The following PHLPP1 variants were observed in gnomAD, a reference collection of about 807,000 sequenced individuals.
PHLPP1 encodes the protein PH domain and leucine rich repeat protein phosphatase 1.
PHLPP1 carries 42 observed loss-of-function variants against 117.2 expected under a neutral mutation model. The observed-to-expected ratio is 0.36, with a 90% CI of 0.28 to 0.46. The LOEUF (loss-of-function observed/expected upper bound fraction) is 0.46, where lower values mean the gene tolerates loss of function less well. Among genes scored for constraint, PHLPP1 ranks in the 20% least tolerant of loss-of-function variants. PHLPP1 has a pLI of 1.00. For missense variants in PHLPP1, 2,084 were observed against 2,241.9 expected (o/e 0.93, Z 1.42); for synonymous variants, 1,042 against 970.7 (o/e 1.07, Z -1.37).
chr18:62,969,367 A>G (rs1268580764), intron 14 of PHLPP1, among the ~76,000 whole-genome samples: 1 of 152,208 alleles, frequency 6.6e-6, no homozygotes, highest in Non-Finnish European at 1.5e-5. Flanking sequence ...TAATTTCACT[A>G]ATATCGTTGG....
At chr18:62,964,345 C>G (rs1354239365) in intron 14 of PHLPP1, among the ~76,000 whole-genome samples, 1 of 152,158 alleles carries the variant, frequency 6.6e-6, no homozygotes, top group Non-Finnish European at 1.5e-5. Context: ...AAAATCTCCC[C>G]CAGGTGATTC....
intron 1 of PHLPP1, among the ~76,000 whole-genome samples, chr18:62,822,293 T>G (rs1373554140): frequency 2.1e-5 from 3 of 145,400 alleles, no homozygotes; most frequent in Non-Finnish European, 3.1e-5. Flanking sequence ...TTTGTTTTTT[T>G]TTTTTTGAGA....
At chr18:62,780,340 G>T (rs1389551394) in intron 1 of PHLPP1, among the ~76,000 whole-genome samples, 3 of 152,164 alleles carry the variant, frequency 2.0e-5, no homozygotes, top group Non-Finnish European at 4.4e-5. Flanking sequence ...TATTATTTAA[G>T]TGGATAATAA....
intron 1 of PHLPP1, among the ~76,000 whole-genome samples, chr18:62,722,818 G>A (rs964033834): frequency 6.6e-6 from 1 of 152,154 alleles, no homozygotes; most frequent in Non-Finnish European, 1.5e-5. Context: ...ATGATACTTT[G>A]ATTAAAAGAT....
At chr18:62,822,536 G>A (rs998306971) in intron 1 of PHLPP1, among the ~76,000 whole-genome samples, 3 of 151,708 alleles carry the variant, frequency 2.0e-5, no homozygotes, top group Non-Finnish European at 4.4e-5. Flanking sequence ...CGCCCGCCTC[G>A]GACTCCCACA....
chr18:62,898,180 C>T (rs1916617231), intron 6 of PHLPP1, among the ~76,000 whole-genome samples: 1 of 152,206 alleles, frequency 6.6e-6, no homozygotes, highest in Non-Finnish European at 1.5e-5. Context: ...CCTTCTTTGA[C>T]TTCTTGAGAC....
In PHLPP1 at chr18:62,941,847, C is replaced by G; in HGVS notation, c.3090C>G (p.Pro1030=). ...ACAGCCTCACAGACAAATGTGTGCC[C>G]TTGTTAACGGGACACCCCCATTTGA... ...TNNSLTDKCV[P]LLTGHPHLKI... Residue 1030 remains proline, a synonymous_variant, in exon 11 of 17, where the codon CCC becomes CCG. Transcript: ENST00000262719. 6.2e-7 allele frequency: 1 copy of G among 1,613,978 alleles called. No individual in the cohort carries two copies. The highest frequency in any genetic ancestry group is 1.1e-5 in the South Asian group (1 of 91,086).
chr18:62,978,763 G>A lies in PHLPP1; in HGVS notation c.4486G>A (p.Asp1496Asn). 1 of 1,613,046 alleles carries A rather than the reference G, an allele frequency of 6.2e-7. No homozygotes were observed. Residue 1496 changes from aspartate to asparagine, a missense_variant, in exon 17 of 17, where the codon GAT becomes AAT. Physicochemically the swap from Asp to Asn is conservative, Grantham distance 23. Transcript: ENST00000262719. This position sits in a 1 kb window ranked among gnomAD's most constrained non-coding sequence, Gnocchi z 7.0. ...CAGCGAGGTGGGGTCAACAGCCTCC[G>A]ATGAGCCCCCGCCCGGAGCCCTAAG... The part of the protein sequence containing the change: ...MSSEVGSTAS[D>N]EPPPGALSEN...
intron 1 of PHLPP1, among the ~76,000 whole-genome samples, chr18:62,801,941 C>T (rs998240724): frequency 6.6e-6 from 1 of 152,090 alleles, no homozygotes; most frequent in African/African-American, 2.4e-5. Context: ...AACACATTGG[C>T]TTTGTGTTGT....
chr18:62,763,147 T>C (rs1912314031), intron 1 of PHLPP1, among the ~76,000 whole-genome samples: 1 of 152,180 alleles, frequency 6.6e-6, no homozygotes, highest in African/African-American at 2.4e-5. Context: ...AGCAATCACT[T>C]CTCCCTCCGG....
intron 1 of PHLPP1, among the ~76,000 whole-genome samples, chr18:62,807,432 C>T (rs1479773709): frequency 6.6e-6 from 1 of 152,074 alleles, no homozygotes; most frequent in African/African-American, 2.4e-5. Flanking sequence ...TGGGGAGAAG[C>T]ATAAAGAAGA....
chr18:62,776,085 G>A (rs550415881), intron 1 of PHLPP1, among the ~76,000 whole-genome samples: 22 of 152,098 alleles, frequency 1.4e-4, no homozygotes, highest in African/African-American at 4.3e-4. Flanking sequence ...TATATATAAA[G>A]AAGTTTATTT....
At chr18:62,874,520 A>C (rs1360155680) in intron 4 of PHLPP1, among the ~76,000 whole-genome samples, 1 of 152,096 alleles carries the variant, frequency 6.6e-6, no homozygotes, top group Non-Finnish European at 1.5e-5. Flanking sequence ...AAAAACAAAC[A>C]AAAAAGGGCA....
chr18:62,938,410 G>A (rs989481507), intron 10 of PHLPP1, among the ~76,000 whole-genome samples: 8 of 152,184 alleles, frequency 5.3e-5, no homozygotes, highest in Non-Finnish European at 1.2e-4. Flanking sequence ...CTGGTGGAAG[G>A]ATGAAATGTA....
At chr18:62,746,939 G>A (rs1677449480) in intron 1 of PHLPP1, among the ~76,000 whole-genome samples, 1 of 151,920 alleles carries the variant, frequency 6.6e-6, no homozygotes, top group South Asian at 2.1e-4. Flanking sequence ...GCTATATTCA[G>A]GTTTTCTAAT....
At chr18:62,933,026 A>T (rs1909864290) in intron 10 of PHLPP1, among the ~76,000 whole-genome samples, 1 of 152,312 alleles carries the variant, frequency 6.6e-6, no homozygotes, top group South Asian at 2.1e-4. Context: ...CAAAAAAATG[A>T]AATAAAATAC....
intron 2 of PHLPP1, among the ~76,000 whole-genome samples, chr18:62,835,248 G>A (rs971013840): frequency 6.6e-6 from 1 of 150,768 alleles, no homozygotes; most frequent in Non-Finnish European, 1.5e-5. Context: ...TTGTCACGCA[G>A]GCTGGAGTGC....
At chr18:62,883,628 G>A (rs1306547900) in intron 4 of PHLPP1, among the ~76,000 whole-genome samples, 1 of 151,936 alleles carries the variant, frequency 6.6e-6, no homozygotes, top group East Asian at 1.9e-4. Context: ...TTGTAGTTTT[G>A]TAGTACATAT....
chr18:62,731,595 A>G (rs963143067), intron 1 of PHLPP1, among the ~76,000 whole-genome samples: 9 of 152,216 alleles, frequency 5.9e-5, no homozygotes, highest in African/African-American at 1.9e-4. Flanking sequence ...ATTGAAAGGA[A>G]GAGTCACAAG....
Sources: gnomAD v4.1 joint callset for allele counts (sites outside exome capture counted in the v4.1 genomes callset) on GRCh38, gnomAD v4.1.1 for gene constraint, Gnocchi (gnomAD v3.1) non-coding constraint, MANE v1.5 for transcripts, NCBI Gene and HGNC (gene_info 2026-07-23, HGNC 2026-07-21) for gene names.